The following CEP162 variants were observed in gnomAD, a reference collection of about 807,000 sequenced individuals.
The protein encoded by CEP162 is centrosomal protein 162.
CEP162 carries 141 observed loss-of-function variants against 169.2 expected under a neutral mutation model. That is an observed-to-expected ratio of 0.83 (90% CI 0.73 to 0.96). The LOEUF is 0.96. Among genes scored for constraint, CEP162 ranks in the 40% least tolerant of loss-of-function variants. CEP162 has a pLI of 0.00. For synonymous variants in CEP162, 540 were observed against 526.4 expected (o/e 1.03, Z -0.35); for missense variants, 1,600 against 1,587.2 (o/e 1.01, Z -0.14).
intron 9 of CEP162, among the ~76,000 whole-genome samples, chr6:84,197,143 T>C (rs886494054): frequency 2.6e-5 from 4 of 151,988 alleles, no homozygotes; most frequent in Admixed American, 2.6e-4. Flanking sequence ...TGCTCATACC[T>C]AATTTAGTAG....
Position 84,175,349 on chromosome 6 carries a change from TA to T in CEP162, c.1664-3del. 6.5e-7 allele frequency: 1 copy of T among 1,530,868 alleles called. No homozygotes were observed. Among genetic ancestry groups the T allele is most frequent in the Non-Finnish European group, 8.8e-7 (1 of 1,134,134 alleles). The allele number at this position is 1,530,868 out of a possible 1,614,324, so 94.8% of individuals were successfully genotyped here. ...TGAGTTTTGTTCCAGATAAGATTTC[TA>T]AATATTATAAACAATGTATAAATGC... On this transcript the variant is annotated splice_polypyrimidine_tract_variant and splice_region_variant and intron_variant, in intron 13 of 26. Transcript: ENST00000403245.
intron 2 of CEP162, among the ~76,000 whole-genome samples, chr6:84,225,470 T>C (rs2099555341): frequency 6.6e-6 from 1 of 152,196 alleles, no homozygotes; most frequent in Admixed American, 6.5e-5. Context: ...TACGGAACCA[T>C]TGTTGTATAT....
rs532806867 is a variant in CEP162 at position 84,175,379 on chromosome 6, A to G, written c.1664-32T>C. 92 of 1,456,890 alleles carry G rather than the reference A, an allele frequency of 6.3e-5. 1 individual carries two copies. The South Asian group carries it at 1.1e-3, about 17-fold the overall frequency. The allele number at this position is 1,456,890 out of a possible 1,614,324, so 90.2% of individuals were successfully genotyped here. On this transcript the variant is annotated intron_variant, in intron 13 of 26. Transcript: ENST00000403245. Reference sequence around the variant, plus strand: ...ATTATAAACAATGTATAAATGCACCACAAATGTAAAGTTAAATGTATACTC... The same window carrying G: ...ATTATAAACAATGTATAAATGCACCGCAAATGTAAAGTTAAATGTATACTC...
At chr6:84,215,566 T>G in intron 4 of CEP162, 101 bp from the exon 5 acceptor site, 1 of 1,158,564 alleles carries the variant, frequency 8.6e-7, no homozygotes, top group South Asian at 1.9e-5. Context: ...TTTTAAAAAT[T>G]TTACAAATAT....
At position 84,212,976 on chromosome 6, in the gene CEP162, C is replaced by T. The variant is rs1411441362; in HGVS notation, c.552G>A (p.Ser184=). The change falls in exon 6 of 27, where the codon TCG becomes TCA. Residue 184 remains serine (S), a synonymous_variant. Coordinates refer to ENST00000403245, the MANE Select transcript of CEP162 (RefSeq NM_014895.4). ...ELTDDEHENE[S]KHEELAENYS... is the part of the protein sequence containing the mutation. ...AATTACCTGCCAGTTCTTCATGTTTCGATTCATTCTCATGTTCGTCATCAG... is the reference window on the plus strand; with the variant it reads ...AATTACCTGCCAGTTCTTCATGTTTTGATTCATTCTCATGTTCGTCATCAG... 2 of 1,550,376 alleles carry T rather than the reference C, an allele frequency of 1.3e-6. No individual in the cohort carries two copies. Among genetic ancestry groups the T allele is most frequent in the South Asian group, 1.2e-5 (1 of 82,490 alleles).
chr6:84,216,046 T>C, intron 3 of CEP162, 124 bp from the exon 4 acceptor site: 2 of 1,213,308 alleles, frequency 1.6e-6, no homozygotes, highest in South Asian at 4.1e-5. Context: ...ATCTGCTCTA[T>C]TAAATAAAAA....
At position 84,160,904 on chromosome 6, in the gene CEP162, T is replaced by C. The variant is rs753122732; in HGVS notation, c.2689A>G (p.Lys897Glu). Residue 897 changes from lysine (K) to glutamate (E), a missense_variant, in exon 21 of 27, where the codon AAA (lysine) becomes GAA (glutamate). Coordinates refer to ENST00000403245, the MANE Select transcript of CEP162 (RefSeq NM_014895.4). ...ATAGATGGATTCCCAGATTCAGCTT[T>C]CAGTTTCTCAATCTGTCAATAAATA... is the stretch of plus-strand genomic sequence containing the variant. ...EKLKLEIEKL[K>E]AESGNPSIRQ... 1.0e-5 allele frequency: 16 copies of C among 1,607,772 alleles called. No homozygotes were observed. The highest frequency in any genetic ancestry group is 1.3e-5 in the Non-Finnish European group (15 of 1,175,148).
intron 25 of CEP162, among the ~76,000 whole-genome samples, chr6:84,142,043 C>T (rs1175871882): frequency 6.6e-6 from 1 of 152,090 alleles, no homozygotes; most frequent in Non-Finnish European, 1.5e-5. Flanking sequence ...ACTAAAACAA[C>T]CCCCACATAC....
In CEP162 at chr6:84,153,072, G is replaced by A. The variant is rs545744132; in HGVS notation, c.3102C>T (p.Ile1034=). 84 of 1,613,248 alleles carry A rather than the reference G, an allele frequency of 5.2e-5. 1 individual carries two copies. The South Asian group carries it at 7.4e-4, about 14-fold the overall frequency. ...TTACAGTGATCTGATGGGCTTCCTT[G>A]ATGTCATCAAGTTCCTTCTCTAGGG... ...IKALEKELDD[I]KEAHQITVRN... Residue 1034 remains isoleucine (I), a synonymous_variant, in exon 23 of 27, where the codon ATC becomes ATT. Coordinates refer to ENST00000403245, the MANE Select transcript of CEP162 (RefSeq NM_014895.4).
At chr6:84,225,619 T>C (rs758371428) in intron 2 of CEP162, among the ~76,000 whole-genome samples, 1 of 152,190 alleles carries the variant, frequency 6.6e-6, no homozygotes, top group Non-Finnish European at 1.5e-5. Flanking sequence ...CATGTTGATA[T>C]ATAATAGCAA....
intron 21 of CEP162, 134 bp from the exon 22 acceptor site, chr6:84,155,644 C>T (rs2099522864): frequency 3.2e-6 from 2 of 628,126 alleles, no homozygotes; most frequent in Non-Finnish European, 5.5e-6. Context: ...TGCTGAGGAC[C>T]AAATCAAGAA....
chr6:84,207,834 T>G (rs559417580), intron 6 of CEP162, among the ~76,000 whole-genome samples: 2 of 152,318 alleles, frequency 1.3e-5, no homozygotes, highest in Admixed American at 6.5e-5. Context: ...TTTTTAGTCT[T>G]TTATATTATT....
intron 11 of CEP162, among the ~76,000 whole-genome samples, chr6:84,187,880 C>T (rs998284196): frequency 5.9e-5 from 9 of 152,220 alleles, no homozygotes; most frequent in African/African-American, 2.2e-4. Context: ...AACTGATGAG[C>T]TCAACACAGA....
At chr6:84,153,571 C>G (rs1394257596) in intron 22 of CEP162, among the ~76,000 whole-genome samples, 2 of 152,134 alleles carry the variant, frequency 1.3e-5, no homozygotes, top group Non-Finnish European at 2.9e-5. Context: ...CTTCGGGAAA[C>G]AGCACATTTT....
chr6:84,215,123 TAAG>T (rs919167320), intron 5 of CEP162, among the ~76,000 whole-genome samples, 156 bp downstream of exon 5: 1 of 152,150 alleles, frequency 6.6e-6, no homozygotes, highest in Non-Finnish European at 1.5e-5. Context: ...TACTCACACA[TAAG>T]AAAAACCCTA....
chr6:84,128,210 A>T (rs895054547), intron 25 of CEP162, among the ~76,000 whole-genome samples: 1 of 152,168 alleles, frequency 6.6e-6, no homozygotes, highest in African/African-American at 2.4e-5. Flanking sequence ...TAAACTTAGA[A>T]ATCTGGTTTT....
intron 25 of CEP162, among the ~76,000 whole-genome samples, chr6:84,138,721 A>T (rs1212885018): frequency 2.0e-5 from 3 of 152,198 alleles, no homozygotes; most frequent in Non-Finnish European, 4.4e-5. Context: ...AATTAACAAC[A>T]ATTAAGTTAA....
rs111494348 is a variant in CEP162 at position 84,147,548 on chromosome 6, T to A, written c.3772-763A>T. ...AAGGTGACAGAAATCCCAATTACCC[T>A]GACTTGATTATTACACATTCTTTGC... On this transcript the variant is annotated intron_variant, in intron 24 of 26. Transcript: ENST00000403245. 6.6e-3 allele frequency among the ~76,000 whole-genome samples: 1,003 copies of A among 152,256 alleles called. 7 individuals are homozygous for A. The highest frequency in any genetic ancestry group is 0.023 in the African/African-American group (954 of 41,556).
Position 84,185,332 on chromosome 6 carries a change from T to C in CEP162, c.1518A>G (p.Leu506=), listed in dbSNP as rs775249428. 6.2e-6 allele frequency: 10 copies of C among 1,613,552 alleles called. No homozygotes were observed. In the South Asian group the frequency reaches 7.7e-5, roughly 12 times the overall value. ...AGCCTGAGCTCCTAACTGACGCATA[T>C]AATCCACTCTGGGGTTTCCTTTTAA... The part of the protein sequence containing the change: ...PLLKRKPQSG[L]YASVRSSGYG... The change falls in exon 13 of 27, where the codon TTA becomes TTG. Residue 506 remains leucine, a synonymous_variant. Transcript: ENST00000403245.
Sources: gnomAD v4.1 joint callset for allele counts (sites outside exome capture counted in the v4.1 genomes callset) on GRCh38, gnomAD v4.1.1 for gene constraint, MANE v1.5 for transcripts, NCBI Gene and HGNC (gene_info 2026-07-23, HGNC 2026-07-21) for gene names.